The following ATP6V1B1 variants were observed in gnomAD, a reference collection of about 807,000 sequenced individuals.
The protein encoded by ATP6V1B1 is ATPase H+ transporting V1 subunit B1, also known as V-type proton ATPase subunit B, kidney isoform.
Under a neutral mutation model 62.1 loss-of-function variants are expected in ATP6V1B1, and 41 were observed. The observed-to-expected ratio is 0.66, with a 90% CI of 0.51 to 0.86. The LOEUF is 0.86. ATP6V1B1 is among the 40% of genes least tolerant of loss of function. ATP6V1B1 has a pLI of 0.00. For synonymous variants in ATP6V1B1, 253 were observed against 273.4 expected (o/e 0.93, Z 0.74); for missense variants, 651 against 697.5 (o/e 0.93, Z 0.75).
chr2:70,949,779 C>T (rs1479370502), intron 2 of ATP6V1B1, among the ~76,000 whole-genome samples: 4 of 152,190 alleles, frequency 2.6e-5, no homozygotes, highest in Non-Finnish European at 5.9e-5. Context: ...TTATTGCTCA[C>T]AGGCTATCTT....
intron 2 of ATP6V1B1, chr2:70,948,254 T>C (rs1325802943): frequency 6.6e-6 from 1 of 151,510 alleles, no homozygotes; most frequent in Non-Finnish European, 1.5e-5. Context: ...TTTTTTTTCT[T>C]TTTGAGACGG....
At chr2:70,950,120 C>A (rs977017467) in intron 2 of ATP6V1B1, among the ~76,000 whole-genome samples, 1 of 152,040 alleles carries the variant, frequency 6.6e-6, no homozygotes, top group African/African-American at 2.4e-5. Context: ...AATTAATATA[C>A]AACATTTGTT....
chr2:70,945,337 C>G (rs1680130342), intron 2 of ATP6V1B1, among the ~76,000 whole-genome samples: 1 of 152,086 alleles, frequency 6.6e-6, no homozygotes, highest in Non-Finnish European at 1.5e-5. Context: ...ACATTCAGAA[C>G]TAGAGGAAAC....
intron 1 of ATP6V1B1, chr2:70,941,264 G>A: frequency 1.0e-6 from 1 of 984,272 alleles, no homozygotes; most frequent in Non-Finnish European, 1.2e-6. Context: ...ATTCCATGAA[G>A]TGGGACACAA....
intron 2 of ATP6V1B1, among the ~76,000 whole-genome samples, chr2:70,945,734 AT>A (rs1680152367): frequency 2.2e-5 from 3 of 134,976 alleles, no homozygotes; most frequent in Non-Finnish European, 4.7e-5. Context: ...ATATATATAT[AT>A]ATATATAGTT....
At position 70,964,448 on chromosome 2, in the gene ATP6V1B1, C is replaced by G. The variant is rs782639399; in HGVS notation, c.1154C>G (p.Pro385Arg). 3 of 1,614,110 alleles carry G rather than the reference C, an allele frequency of 1.9e-6. No homozygotes were observed. The highest frequency in any genetic ancestry group is 2.5e-6 in the Non-Finnish European group (3 of 1,180,020). ...RQLHNRQIYP[P>R]INVLPSLSRL... is the part of the protein sequence containing the mutation. ...TTTCTTCTCCCTCAGATCTACCCCC[C>G]CATCAACGTGCTCCCTTCCCTGTCG... The change falls in exon 12 of 14, where the codon CCC becomes CGC. Residue 385 changes from proline (P) to arginine (R), a missense_variant. Pro to Arg is a moderately radical substitution (Grantham distance 103). Transcript: ENST00000234396.
At chr2:70,936,522 G>A (rs1679857239) in intron 1 of ATP6V1B1, among the ~76,000 whole-genome samples, 1 of 152,050 alleles carries the variant, frequency 6.6e-6, no homozygotes, top group Non-Finnish European at 1.5e-5. Flanking sequence ...CTCTCAGCCT[G>A]AGGAAATAGG....
At chr2:70,940,898 T>A (rs1558668573) in intron 1 of ATP6V1B1, 2 of 592,876 alleles carry the variant, frequency 3.4e-6, no homozygotes. Context: ...TTTTTTCTTT[T>A]TTCTTTTTCT....
In ATP6V1B1 at chr2:70,958,102, C is replaced by T. The variant is rs151191933; in HGVS notation, c.231C>T (p.Ser77=). The stretch of plus-strand genomic sequence containing the variant: ...CCCTCCCAGATGGGACTCAGAGGAG[C>T]GGGCAGGTGCTTGAGGTGGCTGGCA... ...HFTLPDGTQR[S]GQVLEVAGTK... The change falls in exon 3 of 14, where the codon AGC becomes AGT. Residue 77 remains serine (S), a synonymous_variant. Coordinates refer to ENST00000234396, the MANE Select transcript of ATP6V1B1 (RefSeq NM_001692.4). 2.2e-5 allele frequency: 36 copies of T among 1,614,004 alleles called. No individual in the cohort carries two copies. In the African/African-American group the frequency reaches 2.9e-4, roughly 13 times the overall value.
rs555708728 is a variant in ATP6V1B1, at chr2:70,962,799, C to T, written c.808C>T (p.Arg270Cys). Reference sequence around the variant, plus strand: ...CAGGATCGAGCGGATCATCACCCCGCGCCTGGCGCTGACCACTGCTGAATT... The same window carrying T: ...CAGGATCGAGCGGATCATCACCCCGTGCCTGGCGCTGACCACTGCTGAATT... ...DPTIERIITP[R>C]LALTTAEFLA... is the part of the protein sequence containing the mutation. The change falls in exon 9 of 14, where the codon CGC becomes TGC. Residue 270 changes from arginine (R) to cysteine (C), a missense_variant. By Grantham distance (180) the Arg-to-Cys change is radical. Coordinates refer to ENST00000234396, the MANE Select transcript of ATP6V1B1 (RefSeq NM_001692.4). 1.4e-5 allele frequency: 22 copies of T among 1,614,108 alleles called. No homozygotes were observed. The highest frequency in any genetic ancestry group is 1.6e-4 in the Middle Eastern group (1 of 6,062).
chr2:70,962,674 T>C (rs895217397), intron 8 of ATP6V1B1, 103 bp from the exon 9 acceptor site: 98 of 1,562,560 alleles, frequency 6.3e-5, no homozygotes, highest in Non-Finnish European at 8.1e-5. Flanking sequence ...TCTGCCACTA[T>C]GCACAACACC....
intron 2 of ATP6V1B1, among the ~76,000 whole-genome samples, chr2:70,951,376 A>G (rs560352019): frequency 6.6e-6 from 1 of 152,284 alleles, no homozygotes; most frequent in Admixed American, 6.5e-5. Flanking sequence ...ACTTTAATCT[A>G]CCATCCACAT....
chr2:70,946,570 T>C (rs1680180233), intron 2 of ATP6V1B1, among the ~76,000 whole-genome samples: 1 of 152,248 alleles, frequency 6.6e-6, no homozygotes, highest in African/African-American at 2.4e-5. Context: ...CAATCTCGGA[T>C]TGTAAATCCC....
intron 2 of ATP6V1B1, among the ~76,000 whole-genome samples, chr2:70,955,644 G>C (rs1271724382): frequency 6.6e-6 from 1 of 151,844 alleles, no homozygotes; most frequent in Non-Finnish European, 1.5e-5. Flanking sequence ...TTCATGTTGC[G>C]GCATCTATCA....
At chr2:70,942,557 G>C (rs1680029722) in intron 1 of ATP6V1B1, 1 of 395,748 alleles carries the variant, frequency 2.5e-6, no homozygotes, top group South Asian at 1.4e-4. Flanking sequence ...CTTGCCCAAA[G>C]CAAGAGGGTA....
Sources: gnomAD v4.1 joint callset for allele counts (sites outside exome capture counted in the v4.1 genomes callset) on GRCh38, gnomAD v4.1.1 for gene constraint, MANE v1.5 for transcripts, NCBI Gene and HGNC (gene_info 2026-07-23, HGNC 2026-07-21) for gene names.